LINGO2: variants seen among roughly 807,000 people sequenced by gnomAD.
LINGO2 encodes the protein leucine-rich repeat and immunoglobulin-like domain-containing nogo receptor-interacting protein 2.
Under a neutral mutation model 30.6 loss-of-function variants are expected in LINGO2, and 14 were observed. The observed-to-expected ratio is 0.46, with a 90% CI of 0.30 to 0.72. LINGO2 has a LOEUF of 0.72. Among genes scored for constraint, LINGO2 ranks in the 30% least tolerant of loss-of-function variants. The pLI is 0.07. For synonymous variants in LINGO2, 317 were observed against 288.5 expected (o/e 1.10, Z -1.00); for missense variants, 729 against 751.7 (o/e 0.97, Z 0.35).
At chr9:28,246,362 G>C (rs1314718857) in intron 4 of LINGO2, among the ~76,000 whole-genome samples, 1 of 152,044 alleles carries the variant, frequency 6.6e-6, no homozygotes, top group Non-Finnish European at 1.5e-5. Flanking sequence ...GGGAGGCGGA[G>C]TTTGCAGTGA....
chr9:28,956,572 CTCCA>C, the LINGO2 span, among the ~76,000 whole-genome samples: 61,002 of 123,214 alleles, frequency 0.5, 17,279 homozygotes, highest in Non-Finnish European at 0.59. Context: ...TCCTTCCTTC[CTCCA>C]TCCCTCCCTC....
At chr9:28,765,278 G>C in the LINGO2 span, among the ~76,000 whole-genome samples, 1 of 152,124 alleles carries the variant, frequency 6.6e-6, no homozygotes, top group Admixed American at 6.6e-5. Flanking sequence ...AATAAAAATA[G>C]CATTCTACTA....
At chr9:29,164,258 C>T in the LINGO2 span, among the ~76,000 whole-genome samples, 26 of 152,210 alleles carry the variant, frequency 1.7e-4, no homozygotes, top group African/African-American at 6.3e-4. Flanking sequence ...ACCATTCTGC[C>T]AAATACTGCC....
At chr9:28,575,174 C>T (rs1326117277) in intron 1 of LINGO2, among the ~76,000 whole-genome samples, 1 of 152,044 alleles carries the variant, frequency 6.6e-6, no homozygotes, top group African/African-American at 2.4e-5. Context: ...GAGGCCGAGG[C>T]AGGTGGATCA....
At chr9:28,227,050 T>C (rs1821194291) in intron 4 of LINGO2, among the ~76,000 whole-genome samples, 1 of 152,148 alleles carries the variant, frequency 6.6e-6, no homozygotes, top group African/African-American at 2.4e-5. Context: ...TGGATTATTA[T>C]GAAGATTTAA....
intron 1 of LINGO2, among the ~76,000 whole-genome samples, chr9:28,558,299 A>C (rs993466923): frequency 7.9e-5 from 12 of 151,866 alleles, no homozygotes; most frequent in Admixed American, 7.9e-4. Context: ...TTCCCTACAG[A>C]AGATTCATAC....
chr9:29,006,611 T>TTTTG, the LINGO2 span, among the ~76,000 whole-genome samples: 1 of 152,104 alleles, frequency 6.6e-6, no homozygotes, highest in Non-Finnish European at 1.5e-5. Context: ...AACACTTTAC[T>TTTTG]TTTGCTTCAT....
intron 4 of LINGO2, among the ~76,000 whole-genome samples, chr9:28,092,218 T>A (rs369238040): frequency 4.0e-4 from 61 of 152,106 alleles, no homozygotes; most frequent in East Asian, 2.7e-3. Context: ...AGGATTATAA[T>A]TCATGCTGCT....
At chr9:28,023,684 G>C (rs905679032) in intron 4 of LINGO2, among the ~76,000 whole-genome samples, 10 of 152,168 alleles carry the variant, frequency 6.6e-5, no homozygotes, top group African/African-American at 2.4e-4. Context: ...CTCTGGATTT[G>C]TCATTTGTTA....
At chr9:27,949,359 G>A (rs1823510919) in exon 6 of LINGO2, 4 of 1,614,092 alleles carry the variant, frequency 2.5e-6, no homozygotes, top group Non-Finnish European at 3.4e-6. Context: ...CACAGGCTGC[G>A]GGTCTCCATC....
intron 1 of LINGO2, among the ~76,000 whole-genome samples, chr9:28,487,197 C>A (rs542082665): frequency 6.6e-6 from 1 of 152,108 alleles, no homozygotes; most frequent in Non-Finnish European, 1.5e-5. Flanking sequence ...ATCCTCTGTA[C>A]CTTTCCAATA....
chr9:28,809,497 G>A, the LINGO2 span, among the ~76,000 whole-genome samples: 1 of 152,170 alleles, frequency 6.6e-6, no homozygotes, highest in East Asian at 1.9e-4. Context: ...TGTAATCCCA[G>A]CACTTTGGGA....
the LINGO2 span, among the ~76,000 whole-genome samples, chr9:29,169,014 T>C: frequency 6.6e-6 from 1 of 152,178 alleles, no homozygotes; most frequent in East Asian, 1.9e-4. Flanking sequence ...AATGGTGTCG[T>C]CTTGGCTACT....
chr9:27,973,079 C>A (rs892222555), intron 5 of LINGO2, among the ~76,000 whole-genome samples: 6 of 152,144 alleles, frequency 3.9e-5, no homozygotes, highest in Admixed American at 1.3e-4. Flanking sequence ...GTATCACTGG[C>A]TTTCCTGGTT....
At chr9:27,948,276 T>C (rs1587503680) in exon 6 of LINGO2, 1 of 152,550 alleles carries the variant, frequency 6.6e-6, no homozygotes, top group East Asian at 1.9e-4. Flanking sequence ...CTTGGATCTA[T>C]AGTGGTGAGT....
chr9:28,486,815 T>C (rs1826185398), intron 1 of LINGO2, among the ~76,000 whole-genome samples: 1 of 152,102 alleles, frequency 6.6e-6, no homozygotes, highest in African/African-American at 2.4e-5. Context: ...AAAATAGTGA[T>C]ATAAACTCAC....
At chr9:28,508,822 C>T (rs1820255734) in intron 1 of LINGO2, among the ~76,000 whole-genome samples, 2 of 152,042 alleles carry the variant, frequency 1.3e-5, no homozygotes, top group Non-Finnish European at 2.9e-5. Context: ...TTTCTCCCTA[C>T]CTTTGATGAT....
At chr9:28,318,083 T>G (rs1166083356) in intron 3 of LINGO2, among the ~76,000 whole-genome samples, 1 of 152,168 alleles carries the variant, frequency 6.6e-6, no homozygotes, top group East Asian at 1.9e-4. Context: ...CCCACCAGGA[T>G]TCCCATGTTC....
At chr9:29,029,645 C>T in the LINGO2 span, among the ~76,000 whole-genome samples, 1 of 152,090 alleles carries the variant, frequency 6.6e-6, no homozygotes, top group Non-Finnish European at 1.5e-5. Context: ...AACTTATTTA[C>T]TTTAATACAT....
Sources: allele counts gnomAD v4.1 joint callset (sites outside exome capture counted in the v4.1 genomes callset), GRCh38; gene constraint gnomAD v4.1.1; transcripts MANE v1.5; gene names NCBI Gene and HGNC (gene_info 2026-07-23, HGNC 2026-07-21).